Variants in ABCA7 observed in about 807,000 individuals in gnomAD.
ABCA7 encodes phospholipid-transporting ATPase ABCA7.
A neutral mutation model predicts 227.6 loss-of-function variants in ABCA7; 261 were observed. The ratio of observed to expected loss-of-function variants is 1.15; its 90% CI spans 1.04 to 1.27. The LOEUF (loss-of-function observed/expected upper bound fraction) is 1.27. Ranked by LOEUF, ABCA7 falls within the 50% of genes most tolerant of loss-of-function variation. ABCA7 has a pLI of 0.00. For synonymous variants in ABCA7, 1,488 were observed against 1,279.7 expected (o/e 1.16, Z -3.47); for missense variants, 3,331 against 2,924.5 (o/e 1.14, Z -3.21).
chr19:1,063,466 G>A, intron 42 of ABCA7, 78 bp from the exon 43 acceptor site: 7 of 1,542,092 alleles, frequency 4.5e-6, no homozygotes, highest in Non-Finnish European at 6.1e-6. Context: ...CACACTCAAT[G>A]CTGGCCCCGC....
Position 1,060,211 on chromosome 19 carries a change from T to A in ABCA7, c.5463+1126T>A, listed in dbSNP as rs867651154. On this transcript the variant is annotated intron_variant, in intron 40 of 46. Coordinates refer to ENST00000263094, the MANE Select transcript of ABCA7 (RefSeq NM_019112.4). Reference sequence around the variant, plus strand: ...CACATTGCAGTATATATATATATTTTTTTTTCTTTTTTTTTCTTTTGAGAT... The same window carrying A: ...CACATTGCAGTATATATATATATTTATTTTTCTTTTTTTTTCTTTTGAGAT... 2.0e-4 allele frequency among the ~76,000 whole-genome samples: 26 copies of A among 127,278 alleles called. 1 individual carries two copies. The highest frequency in any genetic ancestry group is 8.4e-4 in the African/African-American group (20 of 23,702). The allele number at this position is 127,278 out of a possible 152,430, so 83.5% of individuals were successfully genotyped here.
intron 13 of ABCA7, 23 bp downstream of exon 13, chr19:1,046,429 G>T: frequency 1.3e-6 from 2 of 1,520,814 alleles, no homozygotes; most frequent in Non-Finnish European, 8.8e-7. Flanking sequence ...ACCCCTCCCC[G>T]CTCTTCCCCG....
At position 1,042,073 on chromosome 19, in the gene ABCA7, G is replaced by A. The variant is rs767527015; in HGVS notation, c.312G>A (p.Arg104=). The A allele has an allele frequency of 3.8e-6, 6 of 1,593,576 alleles. No homozygotes were observed. The Admixed American group carries it at 5.1e-5, about 14-fold the overall frequency. Residue 104 remains arginine, a synonymous_variant, in exon 5 of 47, where the codon CGG becomes CGA. Coordinates refer to ENST00000263094, the MANE Select transcript of ABCA7 (RefSeq NM_019112.4). ...CTCTCTCTGTCCCCAGGGTCTCCCG[G>A]CTGCTAGCCGATGCCCGCACTGTGC... ...LSNFNDSLVS[R]LLADARTVLG...
At chr19:1,060,514 G>GT (rs1241363846) in intron 40 of ABCA7, among the ~76,000 whole-genome samples, 3 of 144,130 alleles carry the variant, frequency 2.1e-5, no homozygotes, top group Admixed American at 6.9e-5. Context: ...CCCGGCCTTT[G>GT]TTTTTTTCTT....
In ABCA7 at chr19:1,063,791, C is replaced by T; in HGVS notation, c.5879C>T (p.Ala1960Val). The change falls in exon 44 of 47, where the codon GCG (alanine) becomes GTG (valine). Residue 1960 changes from alanine to valine, a missense_variant. Coordinates refer to ENST00000263094, the MANE Select transcript of ABCA7 (RefSeq NM_019112.4). Reference sequence around the variant, plus strand: ...CCGACCACAGGCATGGACCCCAGCGCGCGGCGCTTCCTTTGGAACAGCCTT... The same window carrying T: ...CCGACCACAGGCATGGACCCCAGCGTGCGGCGCTTCCTTTGGAACAGCCTT... ...DEPTTGMDPS[A>V]RRFLWNSLLA... is the part of the protein sequence containing the mutation. The T allele has an allele frequency of 1.9e-6, 3 of 1,546,756 alleles. No homozygotes were observed. The highest frequency in any genetic ancestry group is 1.2e-5 in the South Asian group (1 of 84,252).
chr19:1,062,325 T>C lies in ABCA7; in HGVS notation c.5712+12T>C, dbSNP rs1426531578. ...CCCAGGTTGCCCAGGTGAGCCCACT[T>C]TGTCCCCACCGCTCTCACCTCCCAG... is the stretch of plus-strand genomic sequence containing the variant. On this transcript the variant is annotated intron_variant, in intron 42 of 46. Transcript: ENST00000263094. 6.3e-7 allele frequency: 1 copy of C among 1,599,812 alleles called. No individual in the cohort carries two copies. Among genetic ancestry groups the C allele is most frequent in the Non-Finnish European group, 8.5e-7 (1 of 1,178,892 alleles).
Position 1,054,123 on chromosome 19 carries a change from C to T in ABCA7, c.3577+13C>T. On this transcript the variant is annotated intron_variant, in intron 26 of 46. Transcript: ENST00000263094. The surrounding 1 kb of genome is among the most constrained non-coding windows in gnomAD (Gnocchi z 4.8). ...AACGGGGAACCAGGTAAGTCCTTCC[C>T]AGTGGCCCTGGGGTCCTCCCAGCCA... The T allele has an allele frequency of 6.2e-7, 1 of 1,613,016 alleles. No individual in the cohort carries two copies. Among genetic ancestry groups the T allele is most frequent in the Non-Finnish European group, 8.5e-7 (1 of 1,179,880 alleles).
At position 1,044,984 on chromosome 19, in the gene ABCA7, C is replaced by T. The variant is rs750972264; in HGVS notation, c.1216-18C>T. On this transcript the variant is annotated intron_variant, in intron 11 of 46. Coordinates refer to ENST00000263094, the MANE Select transcript of ABCA7 (RefSeq NM_019112.4). Reference sequence around the variant, plus strand: ...CAGGCGGACCCCAGCGCCTAGGACTCACCCCCGCATCCCACAGTGCCTGTC... The same window carrying T: ...CAGGCGGACCCCAGCGCCTAGGACTTACCCCCGCATCCCACAGTGCCTGTC... The T allele has an allele frequency of 6.2e-7, 1 of 1,610,900 alleles. No individual in the cohort carries two copies. The highest frequency in any genetic ancestry group is 8.5e-7 in the Non-Finnish European group (1 of 1,179,018).
Position 1,056,372 on chromosome 19 carries a change from G to A in ABCA7, c.4459G>A (p.Val1487Ile). 4 of 1,613,414 alleles carry A rather than the reference G, an allele frequency of 2.5e-6. No homozygotes were observed. The highest frequency in any genetic ancestry group is 3.4e-6 in the Non-Finnish European group (4 of 1,179,970). ...NKGWHSMVAF[V>I]NRASNAILRA... is the part of the protein sequence containing the mutation. The stretch of plus-strand genomic sequence containing the variant: ...AGGCTGGCACTCCATGGTGGCCTTT[G>A]TCAACCGAGCCAGCAACGCAATCCT... The change falls in exon 33 of 47, where the codon GTC (valine) becomes ATC (isoleucine). Residue 1487 changes from valine (V) to isoleucine (I), a missense_variant. Physicochemically the swap from Val to Ile is conservative, Grantham distance 29 (BLOSUM62 3). Transcript: ENST00000263094. The surrounding 1 kb of genome is among the most constrained non-coding windows in gnomAD (Gnocchi z 4.3).
chr19:1,057,462 A>C, intron 35 of ABCA7, 33 bp downstream of exon 35: 1 of 1,576,672 alleles, frequency 6.3e-7, no homozygotes. Flanking sequence ...GCCTATTCTT[A>C]CTGACCCCTT....
chr19:1,048,725 C>T (rs1470082027), intron 16 of ABCA7, among the ~76,000 whole-genome samples, 170 bp from the exon 17 acceptor site: 2 of 148,968 alleles, frequency 1.3e-5, no homozygotes, highest in South Asian at 2.1e-4. Context: ...AGGAGAATGA[C>T]GTGAACTGGG....
chr19:1,042,625 T>C, intron 6 of ABCA7, 121 bp from the exon 7 acceptor site: 2 of 1,156,886 alleles, frequency 1.7e-6, no homozygotes, highest in Non-Finnish European at 2.6e-6. Flanking sequence ...TCTCAGAGCC[T>C]CAGTTTCCCT....
intron 24 of ABCA7, 111 bp downstream of exon 24, chr19:1,053,642 G>A: frequency 6.6e-7 from 1 of 1,512,838 alleles, no homozygotes; most frequent in South Asian, 1.2e-5. Flanking sequence ...ATTCAGGGAG[G>A]AGGCATGGCA....
In ABCA7 at chr19:1,061,425, C is replaced by T. The variant is rs371352839; in HGVS notation, c.5464-357C>T. On this transcript the variant is annotated intron_variant, in intron 40 of 46. Transcript: ENST00000263094. ...AAAAAAAAAAAAAGAGGCTGGGTGC[C>T]GTGGCTCACGCCTGTAATCCCAGCA... 2.2e-4 allele frequency among the ~76,000 whole-genome samples: 31 copies of T among 143,334 alleles called. 1 individual carries two copies. In the South Asian group the frequency reaches 6.2e-3, roughly 29 times the overall value. 94.0% of individuals were successfully genotyped at this position (143,334 alleles called of 152,430 possible).
chr19:1,042,417 C>T lies in ABCA7; in HGVS notation c.498+20C>T, dbSNP rs1178402671. 1.2e-6 allele frequency: 2 copies of T among 1,610,700 alleles called. No homozygotes were observed. Among genetic ancestry groups the T allele is most frequent in the Non-Finnish European group, 1.7e-6 (2 of 1,179,028 alleles). On this transcript the variant is annotated intron_variant, in intron 6 of 46. Transcript: ENST00000263094. ...CGCACGGTAGGGTGTCGGGGCGGGA[C>T]CGCGCTGACTTCCTGGGACACTGCA...
At chr19:1,041,722 T>TG (rs981273963) in intron 3 of ABCA7, 109 bp from the exon 4 acceptor site, 182 of 1,582,330 alleles carry the variant, frequency 1.2e-4, no homozygotes, top group Non-Finnish European at 1.4e-4. Context: ...ATACATGGCA[T>TG]GGGAGTGAGC....
Position 1,049,259 on chromosome 19 carries a change from T to TGGA in ABCA7, c.2381-7_2381-6insGGA. 1 of 1,590,502 alleles carries TGGA rather than the reference T, an allele frequency of 6.3e-7. No homozygotes were observed. Among genetic ancestry groups the TGGA allele is most frequent in the Non-Finnish European group, 8.6e-7 (1 of 1,164,726 alleles). On this transcript the variant is annotated splice_polypyrimidine_tract_variant and splice_region_variant and intron_variant, in intron 17 of 46. Coordinates refer to ENST00000263094, the MANE Select transcript of ABCA7 (RefSeq NM_019112.4). ...CCTCCATGGCTGAGTCCACCCCATC[T>TGGA]CTGCAGTGCTGGTAGAAGAGGCACC... is the stretch of plus-strand genomic sequence containing the variant.
Position 1,054,905 on chromosome 19 carries a change from T to C in ABCA7, c.3950+27T>C. The C allele has an allele frequency of 2.6e-6, 4 of 1,549,000 alleles. No homozygotes were observed. In the South Asian group the frequency reaches 3.5e-5, roughly 14 times the overall value. Reference sequence around the variant, plus strand: ...TGAGGCGTCTTGTTGGCCTGGACCTTTCCCCTCTCTGGCCTCAGTTTTCCC... The same window carrying C: ...TGAGGCGTCTTGTTGGCCTGGACCTCTCCCCTCTCTGGCCTCAGTTTTCCC... On this transcript the variant is annotated intron_variant, in intron 29 of 46. Coordinates refer to ENST00000263094, the MANE Select transcript of ABCA7 (RefSeq NM_019112.4). The surrounding 1 kb of genome is among the most constrained non-coding windows in gnomAD (Gnocchi z 4.8).
intron 11 of ABCA7, 83 bp from the exon 12 acceptor site, chr19:1,044,919 G>T: frequency 6.5e-7 from 1 of 1,540,538 alleles, no homozygotes; most frequent in East Asian, 2.3e-5. Context: ...ACATGGCCCA[G>T]CCCCGAGGTC....
Sources: allele counts gnomAD v4.1 joint callset (sites outside exome capture counted in the v4.1 genomes callset), GRCh38; gene constraint gnomAD v4.1.1; non-coding constraint Gnocchi (gnomAD v3.1); transcripts MANE v1.5; gene names NCBI Gene and HGNC (gene_info 2026-07-23, HGNC 2026-07-21).